The following CEP120 variants were observed in gnomAD, a reference collection of about 807,000 sequenced individuals.
CEP120 encodes the protein centrosomal protein of 120 kDa.
CEP120 carries 113 observed loss-of-function variants against 126.5 expected under a neutral mutation model. The ratio of observed to expected loss-of-function variants is 0.89; its 90% CI spans 0.77 to 1.04. The LOEUF (loss-of-function observed/expected upper bound fraction) is 1.04, where lower values mean the gene tolerates loss of function less well. Ranked by LOEUF, CEP120 falls within the 50% of genes least tolerant of loss-of-function variation. The probability of loss-of-function intolerance (pLI) is 0.00; values close to 1 mark genes in which losing one functional copy is unlikely to be tolerated. For synonymous variants in CEP120, 400 were observed against 394.3 expected, an observed-to-expected ratio of 1.01 and a Z score of -0.17; for missense variants, 1,230 against 1,155.7, an observed-to-expected ratio of 1.06 and a Z score of -0.93.
chr5:123,376,352 T>C (rs1425514828), intron 16 of CEP120, among the ~76,000 whole-genome samples: 1 of 151,946 alleles, frequency 6.6e-6, no homozygotes, highest in African/African-American at 2.4e-5. Flanking sequence ...GAAGTGAGCA[T>C]GGCATGCCTG....
At chr5:123,388,944 A>G (rs184843309) in intron 8 of CEP120, among the ~76,000 whole-genome samples, 1 of 152,238 alleles carries the variant, frequency 6.6e-6, no homozygotes. Context: ...AGGGCTGTAT[A>G]TGAGACTTAC....
chr5:123,405,096 G>A (rs1276256432), intron 4 of CEP120, among the ~76,000 whole-genome samples: 2 of 152,186 alleles, frequency 1.3e-5, no homozygotes, highest in Non-Finnish European at 2.9e-5. Flanking sequence ...ACTCTCCATA[G>A]ATCTGTCAGA....
chr5:123,352,085 G>A (rs1262554204), intron 18 of CEP120, among the ~76,000 whole-genome samples: 1 of 151,978 alleles, frequency 6.6e-6, no homozygotes, highest in Non-Finnish European at 1.5e-5. Context: ...TAGTTTTAAT[G>A]ACATTTAGGT....
At chr5:123,401,266 G>C in intron 4 of CEP120, 1 of 1,611,220 alleles carries the variant, frequency 6.2e-7, no homozygotes, top group Non-Finnish European at 8.5e-7. Context: ...GCCCGCTGCA[G>C]GGCGGCCTCC....
At chr5:123,356,097 G>A (rs368884435) in intron 18 of CEP120, among the ~76,000 whole-genome samples, 4 of 152,080 alleles carry the variant, frequency 2.6e-5, no homozygotes, top group African/African-American at 9.7e-5. Flanking sequence ...TAGATATGCG[G>A]CATTATTTCT....
intron 4 of CEP120, among the ~76,000 whole-genome samples, chr5:123,412,195 CA>C: frequency 6.6e-6 from 1 of 152,142 alleles, no homozygotes; most frequent in South Asian, 2.1e-4. Context: ...TATTACATAC[CA>C]AATAAAGAAT....
intron 4 of CEP120, among the ~76,000 whole-genome samples, chr5:123,402,549 T>C (rs1773331634): frequency 6.6e-6 from 1 of 152,140 alleles, no homozygotes; most frequent in Admixed American, 6.5e-5. Flanking sequence ...GTAGCTGGGA[T>C]TACAGGCTTG....
At chr5:123,364,635 ACT>A (rs1008402132) in intron 17 of CEP120, 41 bp from the exon 18 acceptor site, 1 of 1,156,462 alleles carries the variant, frequency 8.6e-7, no homozygotes, top group Non-Finnish European at 1.3e-6. Context: ...ACACTATACC[ACT>A]GTGTACAACC....
chr5:123,421,087 G>C (rs1774684166), intron 1 of CEP120, among the ~76,000 whole-genome samples: 1 of 152,144 alleles, frequency 6.6e-6, no homozygotes, highest in Non-Finnish European at 1.5e-5. Context: ...CTACTAAACT[G>C]AACTCAAGAA....
At chr5:123,410,971 C>T (rs1774019315) in intron 4 of CEP120, among the ~76,000 whole-genome samples, 1 of 152,136 alleles carries the variant, frequency 6.6e-6, no homozygotes, top group South Asian at 2.1e-4. Flanking sequence ...ATACAAAGAA[C>T]TCTTAAAATT....
At chr5:123,422,642 G>C in intron 1 of CEP120, 1 of 1,106,532 alleles carries the variant, frequency 9.0e-7, no homozygotes, top group Non-Finnish European at 1.3e-6. Flanking sequence ...GCGCTTCTCA[G>C]GACCACGTTC....
intron 17 of CEP120, among the ~76,000 whole-genome samples, chr5:123,366,527 A>G (rs1770472184): frequency 6.6e-6 from 1 of 151,848 alleles, no homozygotes; most frequent in Admixed American, 6.6e-5. Flanking sequence ...GTTCTTTACT[A>G]GAAGTATGGC....
intron 18 of CEP120, among the ~76,000 whole-genome samples, chr5:123,362,174 A>AT (rs1308292597): frequency 6.6e-6 from 1 of 151,702 alleles, no homozygotes; most frequent in Non-Finnish European, 1.5e-5. Context: ...TCATAACCAT[A>AT]TATTAGCTGC....
chr5:123,388,551 T>C lies in CEP120; in HGVS notation c.1311A>G (p.Ser437=). 1 of 1,610,080 alleles carries C rather than the reference T, an allele frequency of 6.2e-7. No homozygotes were observed. The highest frequency in any genetic ancestry group is 8.5e-7 in the Non-Finnish European group (1 of 1,178,824). The change falls in exon 9 of 20, where the codon TCA becomes TCG. Residue 437 remains serine (S), a synonymous_variant. Transcript: ENST00000306467. The part of the protein sequence containing the change: ...LAQLVTTSNA[S]EVASGQKIAV... ...CAATCTTCTGTCCTGAAGCTACTTCTGAAGCATTGGATGTAGTCACTAGCT... is the reference window on the plus strand; with the variant it reads ...CAATCTTCTGTCCTGAAGCTACTTCCGAAGCATTGGATGTAGTCACTAGCT...
chr5:123,349,730 T>C (rs1001564811), intron 19 of CEP120, among the ~76,000 whole-genome samples: 1 of 152,090 alleles, frequency 6.6e-6, no homozygotes, highest in Non-Finnish European at 1.5e-5. Flanking sequence ...AGCCTGGAAC[T>C]CCTGGGCTCA....
In CEP120 at chr5:123,397,862, T is replaced by C. The variant is rs144390401; in HGVS notation, c.612+1274A>G. Among the ~76,000 whole-genome samples, 674 of 152,308 alleles carry C rather than the reference T, an allele frequency of 4.4e-3. 6 individuals are homozygous for C. The highest frequency in any genetic ancestry group is 0.015 in the African/African-American group (642 of 41,568). On this transcript the variant is annotated intron_variant, in intron 5 of 19. Coordinates refer to ENST00000306467, the MANE Select transcript of CEP120 (RefSeq NM_001375405.1). ...ACCTTGCGAGGCTGAGGTGGGATGA[T>C]CATTTGAGGCCAGGAGTTCAAGACC...
At chr5:123,409,410 G>C (rs889948585) in intron 4 of CEP120, among the ~76,000 whole-genome samples, 11 of 151,770 alleles carry the variant, frequency 7.2e-5, no homozygotes, top group African/African-American at 2.2e-4. Context: ...ATCATACTTA[G>C]AGCCTTACTA....
chr5:123,398,023 A>C (rs1441400409), intron 5 of CEP120, among the ~76,000 whole-genome samples: 1 of 152,168 alleles, frequency 6.6e-6, no homozygotes, highest in African/African-American at 2.4e-5. Context: ...GCTTGAGGCT[A>C]CAGTGAGCTA....
rs2126981839 is a variant in CEP120, at chr5:123,356,332, C to A, written c.2581-6243G>T. On this transcript the variant is annotated intron_variant, in intron 18 of 19. Transcript: ENST00000306467. Reference sequence around the variant, plus strand: ...ATTCTGTGAAGAAAGTCATTGGTAGCTTGATGGCAATGGCATTGAACATTC... The same window carrying A: ...ATTCTGTGAAGAAAGTCATTGGTAGATTGATGGCAATGGCATTGAACATTC... Among the ~76,000 whole-genome samples the A allele has an allele frequency of 1.3e-5, 2 of 152,154 alleles. 1 individual carries two copies. The highest frequency in any genetic ancestry group is 2.9e-5 in the Non-Finnish European group (2 of 67,990).
Sources: gnomAD v4.1 joint callset for allele counts (sites outside exome capture counted in the v4.1 genomes callset) on GRCh38, gnomAD v4.1.1 for gene constraint, MANE v1.5 for transcripts, NCBI Gene and HGNC (gene_info 2026-07-23, HGNC 2026-07-21) for gene names.